The following PCNX2 variants were observed in gnomAD, a reference collection of about 807,000 sequenced individuals.
PCNX2 encodes pecanex 2.
PCNX2 carries 168 observed loss-of-function variants against 223.8 expected under a neutral mutation model. That is an observed-to-expected ratio of 0.75 (90% confidence interval 0.66 to 0.85). The LOEUF (loss-of-function observed/expected upper bound fraction) is 0.85, where lower values mean the gene tolerates loss of function less well. Among genes scored for constraint, PCNX2 ranks in the 40% least tolerant of loss-of-function variants. The pLI is 0.00. For missense variants in PCNX2, 2,507 were observed against 2,675.5 expected (o/e 0.94, Z 1.39); for synonymous variants, 1,006 against 1,052.6 (o/e 0.96, Z 0.86).
chr1:233,235,519 T>C (rs1249016815), intron 9 of PCNX2, among the ~76,000 whole-genome samples: 1 of 152,172 alleles, frequency 6.6e-6, no homozygotes, highest in Non-Finnish European at 1.5e-5. Context: ...CAGAGCAATA[T>C]GTGGTCAGCT....
At chr1:233,284,901 T>C (rs1351636531) in intron 1 of PCNX2, 1 of 932,892 alleles carries the variant, frequency 1.1e-6, no homozygotes, top group African/African-American at 1.8e-5. Flanking sequence ...ACTGGTATGA[T>C]CATCCAGGGT....
intron 1 of PCNX2, among the ~76,000 whole-genome samples, chr1:233,274,990 T>C (rs1204899965): frequency 6.6e-6 from 1 of 152,250 alleles, no homozygotes; most frequent in African/African-American, 2.4e-5. Context: ...ATCTGTTTCA[T>C]GGAATTGTTG....
At chr1:233,254,791 A>T (rs74147336) in intron 5 of PCNX2, among the ~76,000 whole-genome samples, 3,128 of 151,530 alleles carry the variant, frequency 0.021, 92 homozygotes, top group African/African-American at 0.07. Flanking sequence ...ATTTAATGTT[A>T]TTGGATATTC....
intron 32 of PCNX2, among the ~76,000 whole-genome samples, chr1:232,987,917 G>A (rs959530723): frequency 9.9e-5 from 15 of 152,192 alleles, no homozygotes; most frequent in African/African-American, 3.6e-4. Flanking sequence ...AGTAAGGAGC[G>A]CTCGCCCCAC....
At chr1:233,066,657 G>A (rs769422422) in intron 23 of PCNX2, among the ~76,000 whole-genome samples, 1 of 152,176 alleles carries the variant, frequency 6.6e-6, no homozygotes, top group Non-Finnish European at 1.5e-5. Context: ...CAGGATATGG[G>A]ATCCAGGCCA....
chr1:232,993,005 C>A (rs985775115), intron 32 of PCNX2, among the ~76,000 whole-genome samples: 1 of 152,142 alleles, frequency 6.6e-6, no homozygotes, highest in South Asian at 2.1e-4. Flanking sequence ...CAGGTTGTAT[C>A]TTTATAGCAG....
chr1:233,161,407 T>C, intron 17 of PCNX2, 44 bp from the exon 18 acceptor site: 1 of 1,522,982 alleles, frequency 6.6e-7, no homozygotes, highest in Non-Finnish European at 9.1e-7. Flanking sequence ...TTCATTTCTC[T>C]CAGCAACTCT....
Position 233,025,143 on chromosome 1 carries a change from T to A in PCNX2, c.4605+3A>T. On this transcript the variant is annotated splice_donor_region_variant and intron_variant, in intron 26 of 33. Coordinates refer to ENST00000258229, the MANE Select transcript of PCNX2 (RefSeq NM_014801.4). Reference sequence around the variant, plus strand: ...CTTAGGTGTTTGGGAAACAGAGCAATACCTTGATGTAGTAGCGGATGAGGA... The same window carrying A: ...CTTAGGTGTTTGGGAAACAGAGCAAAACCTTGATGTAGTAGCGGATGAGGA... 6.2e-7 allele frequency: 1 copy of A among 1,613,966 alleles called. No individual in the cohort carries two copies. The highest frequency in any genetic ancestry group is 8.5e-7 in the Non-Finnish European group (1 of 1,179,854).
intron 22 of PCNX2, among the ~76,000 whole-genome samples, chr1:233,093,046 T>TG (rs1673966724): frequency 6.6e-6 from 1 of 152,062 alleles, no homozygotes; most frequent in African/African-American, 2.4e-5. Context: ...TGATCTGCCC[T>TG]CCTTGGCCTC....
chr1:232,998,583 G>A, intron 31 of PCNX2, 145 bp from the exon 32 acceptor site: 1 of 778,624 alleles, frequency 1.3e-6, no homozygotes, highest in Non-Finnish European at 2.0e-6. Context: ...GGGAAGAGGG[G>A]CTGTTGTTCC....
chr1:233,051,341 G>C (rs960820319), intron 25 of PCNX2, among the ~76,000 whole-genome samples: 1 of 152,034 alleles, frequency 6.6e-6, no homozygotes, highest in African/African-American at 2.4e-5. Context: ...TCCCATTACC[G>C]GGTATATATA....
chr1:233,077,896 TTA>T (rs1673169496), intron 23 of PCNX2, among the ~76,000 whole-genome samples: 1 of 152,188 alleles, frequency 6.6e-6, no homozygotes, highest in South Asian at 2.1e-4. Context: ...TGAAAGAGCA[TTA>T]TAAGCCCTAT....
chr1:233,272,051 T>C (rs1286019683), intron 1 of PCNX2, among the ~76,000 whole-genome samples: 2 of 152,062 alleles, frequency 1.3e-5, no homozygotes, highest in Non-Finnish European at 2.9e-5. Context: ...GAAGATAACA[T>C]TGGAAAAACC....
At chr1:233,296,085 A>G (rs1378036133), upstream of PCNX2, among the ~76,000 whole-genome samples, 3 of 147,336 alleles carry the variant, frequency 2.0e-5, no homozygotes, top group Non-Finnish European at 4.4e-5. Context: ...GTTCTCATGC[A>G]GAAGGCACAG....
At chr1:233,209,688 G>C (rs962925854) in intron 12 of PCNX2, among the ~76,000 whole-genome samples, 4 of 152,200 alleles carry the variant, frequency 2.6e-5, no homozygotes, top group African/African-American at 9.6e-5. Context: ...GGAAAACACA[G>C]TCTGTCCATG....
intron 1 of PCNX2, among the ~76,000 whole-genome samples, chr1:233,291,380 C>T (rs111872706): frequency 3.0e-4 from 46 of 152,186 alleles, no homozygotes; most frequent in African/African-American, 9.6e-4. Flanking sequence ...GAGGCCAAGG[C>T]GGGCGGATCA....
intron 12 of PCNX2, among the ~76,000 whole-genome samples, chr1:233,217,529 T>C (rs568217353): frequency 2.0e-5 from 3 of 152,316 alleles, no homozygotes; most frequent in African/African-American, 4.8e-5. Flanking sequence ...AGGCCCAGTA[T>C]GTTGTTCAGT....
chr1:233,165,509 T>A (rs762690496), intron 17 of PCNX2, among the ~76,000 whole-genome samples: 2 of 152,178 alleles, frequency 1.3e-5, no homozygotes, highest in Non-Finnish European at 2.9e-5. Context: ...AGTGCTGAGG[T>A]TGAGAAACCT....
intron 17 of PCNX2, among the ~76,000 whole-genome samples, chr1:233,168,279 G>C (rs1437987362): frequency 6.6e-6 from 1 of 152,072 alleles, no homozygotes; most frequent in African/African-American, 2.4e-5. Flanking sequence ...ATTATAGCCT[G>C]ACATTAACAG....
Sources: gnomAD v4.1 joint callset for allele counts (sites outside exome capture counted in the v4.1 genomes callset) on GRCh38, gnomAD v4.1.1 for gene constraint, MANE v1.5 for transcripts, NCBI Gene and HGNC (gene_info 2026-07-23, HGNC 2026-07-21) for gene names.